GNE: variants seen among roughly 807,000 people sequenced by gnomAD.
GNE encodes the protein bifunctional UDP-N-acetylglucosamine 2-epimerase/N-acetylmannosamine kinase.
In GNE, 41 loss-of-function variants were observed where a neutral mutation model predicts 61.8. The observed-to-expected ratio is 0.66, with a 90% confidence interval of 0.52 to 0.86. The LOEUF is 0.86. Among genes scored for constraint, GNE ranks in the 40% least tolerant of loss-of-function variants. The pLI, the probability that GNE is intolerant of heterozygous loss-of-function variation, is 0.00. For synonymous variants in GNE, 264 were observed against 326.4 expected (o/e 0.81, Z 2.06); for missense variants, 608 against 909.1 (o/e 0.67, Z 4.26).
chr9:36,267,145 A>G (rs1830833115), intron 1 of GNE, among the ~76,000 whole-genome samples: 1 of 152,266 alleles, frequency 6.6e-6, no homozygotes, highest in African/African-American at 2.4e-5. Context: ...AGAGCATAAC[A>G]TTGAAAGATA....
intron 1 of GNE, among the ~76,000 whole-genome samples, chr9:36,257,931 C>T (rs1310924611): frequency 1.3e-5 from 2 of 151,470 alleles, no homozygotes; most frequent in African/African-American, 4.9e-5. Flanking sequence ...CCTTTTAGCC[C>T]AGCCTTTTCA....
chr9:36,268,237 T>C (rs555010032), intron 1 of GNE, among the ~76,000 whole-genome samples: 36 of 152,326 alleles, frequency 2.4e-4, no homozygotes, highest in African/African-American at 8.2e-4. Context: ...CCCTGACTAA[T>C]AGAAATTCAG....
In GNE at chr9:36,234,700, C is replaced by T. The variant is rs1400881064; in HGVS notation, c.770-568G>A. 2.0e-5 allele frequency among the ~76,000 whole-genome samples: 3 copies of T among 152,230 alleles called. 1 individual carries two copies. Among genetic ancestry groups the T allele is most frequent in the African/African-American group, 4.8e-5 (2 of 41,548 alleles). On this transcript the variant is annotated intron_variant, in intron 4 of 11. Transcript: ENST00000642385. ...GAAGGGGAGGCAATATTTAATGTCC[C>T]TCTGCTTGCCTCTCAACTGACCCCC...
At chr9:36,226,236 G>A (rs1192968196) in intron 7 of GNE, among the ~76,000 whole-genome samples, 4 of 152,024 alleles carry the variant, frequency 2.6e-5, no homozygotes, top group Non-Finnish European at 4.4e-5. Flanking sequence ...GCAGTGGTGC[G>A]ATCTTGGCTC....
chr9:36,259,148 C>A (rs1468632910), upstream of GNE, among the ~76,000 whole-genome samples: 1 of 152,226 alleles, frequency 6.6e-6, no homozygotes, highest in East Asian at 1.9e-4. Flanking sequence ...GAGCTCCTGG[C>A]CTCAAGCCAT....
intron 5 of GNE, among the ~76,000 whole-genome samples, chr9:36,230,037 C>A (rs986948239): frequency 1.2e-4 from 19 of 152,130 alleles, no homozygotes; most frequent in African/African-American, 4.6e-4. Flanking sequence ...ACCTCTACCT[C>A]CCAGGTTCAA....
chr9:36,232,345 C>CCCCCCCCCA (rs1554660756), intron 5 of GNE, among the ~76,000 whole-genome samples: 1 of 126,388 alleles, frequency 7.9e-6, no homozygotes, highest in African/African-American at 3.3e-5. Flanking sequence ...CGCCCCCCCT[C>CCCCCCCCCA]CCGACATTCC....
At chr9:36,227,791 T>C (rs1828953632) in intron 6 of GNE, among the ~76,000 whole-genome samples, 1 of 152,058 alleles carries the variant, frequency 6.6e-6, no homozygotes, top group African/African-American at 2.4e-5. Flanking sequence ...ATCCTAGCAC[T>C]TTGGGAGGTC....
chr9:36,261,386 G>A (rs544671286), upstream of GNE, among the ~76,000 whole-genome samples: 219 of 151,074 alleles, frequency 1.4e-3, no homozygotes, highest in Middle Eastern at 6.9e-3. Flanking sequence ...GTGACACCCC[G>A]TCTCTACTAA....
upstream of GNE, among the ~76,000 whole-genome samples, chr9:36,261,552 CAA>C (rs566779282): frequency 5.0e-4 from 44 of 88,294 alleles, 1 homozygote; most frequent in South Asian, 1.4e-3. Context: ...GACTCCGTCT[CAA>C]AAAAAAAAAA....
intron 6 of GNE, among the ~76,000 whole-genome samples, chr9:36,228,051 A>T (rs1437281687): frequency 2.0e-5 from 3 of 149,400 alleles, no homozygotes; most frequent in Non-Finnish European, 3.0e-5. Flanking sequence ...AAAAAAAAAA[A>T]CAACCAACAA....
At chr9:36,254,764 T>G (rs988449859) in intron 1 of GNE, among the ~76,000 whole-genome samples, 4 of 151,922 alleles carry the variant, frequency 2.6e-5, no homozygotes, top group Non-Finnish European at 5.9e-5. Context: ...CCTGCCTGGC[T>G]AACATGGCAA....
chr9:36,226,507 T>C (rs913211558), intron 7 of GNE, among the ~76,000 whole-genome samples: 2 of 152,138 alleles, frequency 1.3e-5, no homozygotes, highest in African/African-American at 2.4e-5. Flanking sequence ...TAAAAGAGTA[T>C]TTATAAGGGA....
chr9:36,264,720 A>G (rs1269627535), intron 1 of GNE, among the ~76,000 whole-genome samples: 3 of 152,194 alleles, frequency 2.0e-5, no homozygotes, highest in Non-Finnish European at 2.9e-5. Flanking sequence ...GGGGCTTGCA[A>G]CTTAGCTCAC....
intron 1 of GNE, among the ~76,000 whole-genome samples, chr9:36,264,407 T>C (rs1264821230): frequency 6.6e-6 from 1 of 152,050 alleles, no homozygotes; most frequent in East Asian, 1.9e-4. Context: ...AATGCTAGGA[T>C]TACAGGCATG....
At chr9:36,233,255 T>C (rs1369044301) in intron 5 of GNE, among the ~76,000 whole-genome samples, 2 of 152,232 alleles carry the variant, frequency 1.3e-5, no homozygotes, top group Admixed American at 6.5e-5. Flanking sequence ...TACCATACTC[T>C]AAAGTACTGA....
At chr9:36,236,072 T>A (rs1454323490) in intron 4 of GNE, among the ~76,000 whole-genome samples, 1 of 152,200 alleles carries the variant, frequency 6.6e-6, no homozygotes. Context: ...GGACTCCAGA[T>A]TTAAACTGCT....
At position 36,217,244 on chromosome 9, in the gene GNE, CT is replaced by C; in HGVS notation, c.*120del. Reference sequence around the variant, plus strand: ...GGAGACCAAAAGTGAAAACATTTCTCTGCCAAAGTCACCTGCAGTTCAATAC... The same window carrying C: ...GGAGACCAAAAGTGAAAACATTTCTCGCCAAAGTCACCTGCAGTTCAATAC... On this transcript the variant is annotated 3_prime_UTR_variant, in exon 12 of 12. Coordinates refer to ENST00000642385, the MANE Select transcript of GNE (RefSeq NM_005476.7). The C allele has an allele frequency of 1.3e-6, 1 of 742,980 alleles. No individual in the cohort carries two copies. The highest frequency in any genetic ancestry group is 2.4e-6 in the Non-Finnish European group (1 of 421,012). The allele number at this position is 742,980 out of a possible 1,614,324, so 46.0% of individuals were successfully genotyped here. A position where few individuals can be genotyped will look rare whatever the true frequency, so the allele number is the denominator to read the frequency against.
At chr9:36,233,847 A>C in intron 5 of GNE, 73 bp downstream of exon 5, 1 of 1,089,702 alleles carries the variant, frequency 9.2e-7, no homozygotes, top group Non-Finnish European at 1.4e-6. Context: ...CTCAGTACTG[A>C]TATATGCATA....
Sources: gnomAD v4.1 joint callset for allele counts (sites outside exome capture counted in the v4.1 genomes callset) on GRCh38, gnomAD v4.1.1 for gene constraint, MANE v1.5 for transcripts, NCBI Gene and HGNC (gene_info 2026-07-23, HGNC 2026-07-21) for gene names.